Variants in MAF observed in about 807,000 individuals in gnomAD.
MAF encodes the protein transcription factor Maf.
Under a neutral mutation model 22.0 loss-of-function variants are expected in MAF, and 10 were observed. That is an observed-to-expected ratio of 0.45 (90% CI 0.28 to 0.77). The LOEUF is 0.77. MAF is among the 30% of genes least tolerant of loss of function. MAF has a pLI of 0.12. For missense variants in MAF, 544 were observed against 548.4 expected (o/e 0.99, Z 0.08); for synonymous variants, 337 against 255.8 (o/e 1.32, Z -3.03).
the MAF span, among the ~76,000 whole-genome samples, chr16:79,479,198 C>T: frequency 1.3e-5 from 2 of 152,100 alleles, no homozygotes; most frequent in African/African-American, 2.4e-5. Context: ...CCCCAGCATA[C>T]CTATATCATA....
chr16:79,568,499 C>G, the MAF span, among the ~76,000 whole-genome samples: 1 of 152,178 alleles, frequency 6.6e-6, no homozygotes, highest in East Asian at 1.9e-4. Flanking sequence ...CAACATTTCA[C>G]TTCACCAAAT....
the MAF span, among the ~76,000 whole-genome samples, chr16:79,506,955 T>G: frequency 2.0e-5 from 3 of 152,208 alleles, no homozygotes; most frequent in Admixed American, 2.0e-4. Context: ...TAGGAACTCC[T>G]GGGTACTTTG....
intron 1 of MAF, among the ~76,000 whole-genome samples, chr16:79,588,570 T>C (rs1261443739): frequency 1.3e-5 from 2 of 152,062 alleles, no homozygotes; most frequent in Non-Finnish European, 2.9e-5. Flanking sequence ...CAAGCGATTC[T>C]CCTGTCTCTG....
chr16:79,397,951 A>G, the MAF span, among the ~76,000 whole-genome samples: 1 of 152,212 alleles, frequency 6.6e-6, no homozygotes, highest in African/African-American at 2.4e-5. Context: ...ATAAATTACC[A>G]TGAAGGTAGT....
the MAF span, among the ~76,000 whole-genome samples, chr16:79,233,752 G>A: frequency 6.6e-6 from 1 of 152,094 alleles, no homozygotes; most frequent in Non-Finnish European, 1.5e-5. Context: ...CCAGTATTTT[G>A]GGAGGCCGAG....
chr16:79,217,401 T>C, the MAF span, among the ~76,000 whole-genome samples: 1 of 152,238 alleles, frequency 6.6e-6, no homozygotes, highest in African/African-American at 2.4e-5. Flanking sequence ...GGAAGACCAG[T>C]TGATTTCCTA....
chr16:79,514,284 A>C, the MAF span, among the ~76,000 whole-genome samples: 1 of 152,224 alleles, frequency 6.6e-6, no homozygotes, highest in Non-Finnish European at 1.5e-5. Flanking sequence ...CCTATCATTC[A>C]AATGTGTAGC....
the MAF span, among the ~76,000 whole-genome samples, chr16:79,355,285 T>C: frequency 1.3e-5 from 2 of 152,208 alleles, no homozygotes; most frequent in South Asian, 2.1e-4. Context: ...TTGATGGACA[T>C]AGAGTTGAAT....
At chr16:79,474,976 T>C in the MAF span, among the ~76,000 whole-genome samples, 1 of 152,218 alleles carries the variant, frequency 6.6e-6, no homozygotes, top group African/African-American at 2.4e-5. Flanking sequence ...CCTCCCATGC[T>C]TTGTAGACAC....
the MAF span, among the ~76,000 whole-genome samples, chr16:79,276,561 G>A: frequency 5.6e-4 from 85 of 152,312 alleles, no homozygotes; most frequent in South Asian, 0.017. Context: ...AAACCAGGCT[G>A]AGATGGGTAT....
chr16:79,236,940 C>G, the MAF span, among the ~76,000 whole-genome samples: 1 of 83,026 alleles, frequency 1.2e-5, no homozygotes, highest in African/African-American at 4.3e-5. Context: ...TGCCATAAAT[C>G]TCGGAAAAAA....
chr16:79,301,392 C>T, the MAF span, among the ~76,000 whole-genome samples: 1 of 152,004 alleles, frequency 6.6e-6, no homozygotes, highest in Non-Finnish European at 1.5e-5. Context: ...TTAGTAGCTG[C>T]TCTTGTTATA....
the MAF span, among the ~76,000 whole-genome samples, chr16:79,402,541 C>A: frequency 6.6e-5 from 10 of 152,206 alleles, no homozygotes; most frequent in Middle Eastern, 3.4e-3. Flanking sequence ...AGAGGTGGGG[C>A]GCTGGGTGGG....
At chr16:79,570,110 G>A in the MAF span, among the ~76,000 whole-genome samples, 1 of 150,662 alleles carries the variant, frequency 6.6e-6, no homozygotes, top group Non-Finnish European at 1.5e-5. Context: ...CAGCTCAAAA[G>A]GTTAAGAAAG....
the MAF span, among the ~76,000 whole-genome samples, chr16:79,323,873 G>A: frequency 6.6e-6 from 1 of 152,212 alleles, no homozygotes; most frequent in Non-Finnish European, 1.5e-5. Flanking sequence ...TGAACTTACA[G>A]CTACCGAATT....
At chr16:79,520,995 A>G in the MAF span, among the ~76,000 whole-genome samples, 3 of 152,192 alleles carry the variant, frequency 2.0e-5, no homozygotes, top group Non-Finnish European at 4.4e-5. Flanking sequence ...AACTTACCCA[A>G]GATCATTCTG....
chr16:79,564,371 G>C, the MAF span, among the ~76,000 whole-genome samples: 8 of 152,228 alleles, frequency 5.3e-5, no homozygotes, highest in African/African-American at 1.9e-4. Flanking sequence ...GGGAAGAAAA[G>C]TGAGGAATCA....
chr16:79,594,013 C>G lies in MAF; in HGVS notation c.*447G>C, dbSNP rs1255755688. On this transcript the variant is annotated 3_prime_UTR_variant, in exon 2 of 2. Transcript: ENST00000326043. ...GTGGATTTGTTTAGGGAAGGGGAGT[C>G]GAATATCTATTTTTCTTCTTAGTAA... 1 of 224,948 alleles carries G rather than the reference C, an allele frequency of 4.4e-6. No individual in the cohort carries two copies. The highest frequency in any genetic ancestry group is 5.2e-5 in the Admixed American group (1 of 19,322). The allele number at this position is 224,948 out of a possible 1,614,324, so 13.9% of individuals were successfully genotyped here. A position where few individuals can be genotyped will look rare whatever the true frequency, so the allele number is the denominator to read the frequency against.
chr16:79,463,432 C>T, the MAF span, among the ~76,000 whole-genome samples: 36 of 152,328 alleles, frequency 2.4e-4, 1 homozygote, highest in Middle Eastern at 6.8e-3. Context: ...CATAAACACA[C>T]AATGACAATT....
Sources: allele counts gnomAD v4.1 joint callset (sites outside exome capture counted in the v4.1 genomes callset), GRCh38; gene constraint gnomAD v4.1.1; transcripts MANE v1.5; gene names NCBI Gene and HGNC (gene_info 2026-07-23, HGNC 2026-07-21).